EIF3J: variants seen among roughly 807,000 people sequenced by gnomAD.
The protein encoded by EIF3J is eukaryotic translation initiation factor 3 subunit J.
In EIF3J, 15 loss-of-function variants were observed where a neutral mutation model predicts 39.0. The ratio of observed to expected loss-of-function variants is 0.38; its 90% CI spans 0.26 to 0.59. The LOEUF (loss-of-function observed/expected upper bound fraction) is 0.59, where lower values mean the gene tolerates loss of function less well. Among genes scored for constraint, EIF3J ranks in the 20% least tolerant of loss-of-function variants. The probability of loss-of-function intolerance (pLI) is 0.60; values close to 1 mark genes in which losing one functional copy is unlikely to be tolerated. For missense variants in EIF3J, 226 were observed against 308.6 expected, an observed-to-expected ratio of 0.73 and a Z score of 2.00; for synonymous variants, 98 against 112.9, an observed-to-expected ratio of 0.87 and a Z score of 0.84.
At chr15:44,537,929 T>A (rs190160654) in intron 2 of EIF3J, among the ~76,000 whole-genome samples, 8 of 152,262 alleles carry the variant, frequency 5.3e-5, no homozygotes, top group African/African-American at 1.7e-4. Context: ...CAACCTTTTT[T>A]TCCCACACGA....
chr15:44,545,196 C>T (rs914650816), intron 2 of EIF3J, among the ~76,000 whole-genome samples: 12 of 152,072 alleles, frequency 7.9e-5, no homozygotes, highest in African/African-American at 2.9e-4. Flanking sequence ...GGGAAGAAGT[C>T]ATATTTACTA....
intron 7 of EIF3J, 62 bp from the exon 8 acceptor site, chr15:44,560,956 T>C (rs975958783): frequency 9.5e-6 from 15 of 1,585,192 alleles, no homozygotes; most frequent in Admixed American, 3.5e-5. Flanking sequence ...TGAGGGTTGC[T>C]GTACCAGATA....
At chr15:44,552,826 C>G (rs1186433245) in intron 4 of EIF3J, among the ~76,000 whole-genome samples, 1 of 152,194 alleles carries the variant, frequency 6.6e-6, no homozygotes, top group Non-Finnish European at 1.5e-5. Context: ...TCCCAGAGTG[C>G]TAGGATTATA....
chr15:44,544,470 T>A (rs937986173), intron 2 of EIF3J, among the ~76,000 whole-genome samples: 6 of 150,890 alleles, frequency 4.0e-5, no homozygotes, highest in African/African-American at 1.2e-4. Context: ...TTTGGGAGGC[T>A]GAGGTGGGTG....
chr15:44,544,098 C>CTTTTT (rs10630378), intron 2 of EIF3J, among the ~76,000 whole-genome samples: 4 of 134,070 alleles, frequency 3.0e-5, no homozygotes, highest in Admixed American at 7.8e-5. Context: ...CTTTTCTTTT[C>CTTTTT]TTTTTTTTTT....
At chr15:44,557,793 T>A in intron 6 of EIF3J, 143 bp downstream of exon 6, 1 of 527,484 alleles carries the variant, frequency 1.9e-6, no homozygotes, top group Non-Finnish European at 2.9e-6. Flanking sequence ...CTTGTGAATG[T>A]TGTTCTGCAG....
At chr15:44,546,816 CTTTTTTTTTTT>C (rs1160471321) in intron 2 of EIF3J, among the ~76,000 whole-genome samples, 8 of 78,904 alleles carry the variant, frequency 1.0e-4, no homozygotes, top group South Asian at 5.1e-4. Flanking sequence ...GAGTATAGAT[CTTTTTTTTTTT>C]TTTTTTTTTT....
chr15:44,562,572 T>G lies in EIF3J; in HGVS notation c.*1423T>G, dbSNP rs975830151. On this transcript the variant is annotated 3_prime_UTR_variant, in exon 8 of 8. Coordinates refer to ENST00000261868, the MANE Select transcript of EIF3J (RefSeq NM_003758.4). ...TACTAAGTGGAAAACAAGACCATCA[T>G]CTAAGTGATTTGAGAAATTAACAAA... is the stretch of plus-strand genomic sequence containing the variant. 1 of 153,492 alleles carries G rather than the reference T, an allele frequency of 6.5e-6. No homozygotes were observed. Among genetic ancestry groups the G allele is most frequent in the African/African-American group, 2.4e-5 (1 of 41,458 alleles). 9.5% of individuals were successfully genotyped at this position (153,492 alleles called of 1,614,324 possible). A position where few individuals can be genotyped will look rare whatever the true frequency, so the allele number is the denominator to read the frequency against.
intron 2 of EIF3J, among the ~76,000 whole-genome samples, chr15:44,542,073 GT>G (rs1477780108): frequency 6.6e-6 from 1 of 152,220 alleles, no homozygotes; most frequent in Non-Finnish European, 1.5e-5. Context: ...TATGAGACAG[GT>G]AGGCATTGAG....
Position 44,554,579 on chromosome 15 carries a change from G to A in EIF3J, c.321G>A (p.Val107=). The change falls in exon 5 of 8, where the codon GTG becomes GTA. Residue 107 remains valine (V), a synonymous_variant. Transcript: ENST00000261868. The stretch of plus-strand genomic sequence containing the variant: ...TAGAAGAACCCGAAGAACCTAAAGT[G>A]CTAACACCAGAAGAACAATTAGCAG... The part of the protein sequence containing the change: ...KRLEEPEEPK[V]LTPEEQLADK... The A allele has an allele frequency of 1.9e-6, 3 of 1,611,846 alleles. No individual in the cohort carries two copies. The highest frequency in any genetic ancestry group is 2.2e-5 in the South Asian group (2 of 90,386).
chr15:44,544,832 G>T (rs750223615), intron 2 of EIF3J, among the ~76,000 whole-genome samples: 1 of 151,546 alleles, frequency 6.6e-6, no homozygotes, highest in Non-Finnish European at 1.5e-5. Context: ...GGTGAAACCC[G>T]GTCTCTACTA....
At chr15:44,546,010 C>T (rs1295823421) in intron 2 of EIF3J, among the ~76,000 whole-genome samples, 1 of 152,186 alleles carries the variant, frequency 6.6e-6, no homozygotes, top group African/African-American at 2.4e-5. Flanking sequence ...TATGCATCTT[C>T]TGGAAGTAAG....
intron 4 of EIF3J, among the ~76,000 whole-genome samples, chr15:44,553,226 C>G (rs1411666523): frequency 2.0e-5 from 3 of 151,564 alleles, no homozygotes; most frequent in Non-Finnish European, 4.4e-5. Context: ...GGCGTGGTGG[C>G]TCACGCCTGT....
At chr15:44,547,559 C>T (rs527532193) in intron 2 of EIF3J, among the ~76,000 whole-genome samples, 3 of 150,388 alleles carry the variant, frequency 2.0e-5, no homozygotes, top group Non-Finnish European at 4.4e-5. Context: ...AAGTGATTCT[C>T]CTGCCTCAGC....
chr15:44,551,993 T>C (rs950784589), intron 4 of EIF3J, among the ~76,000 whole-genome samples: 1 of 152,002 alleles, frequency 6.6e-6, no homozygotes, highest in Non-Finnish European at 1.5e-5. Flanking sequence ...GAGCTAATTT[T>C]TTGTATTTTA....
Position 44,557,610 on chromosome 15 carries a change from C to T in EIF3J, c.531C>T (p.Ala177=), listed in dbSNP as rs1331653395. The change falls in exon 6 of 8, where the codon GCC becomes GCT. Residue 177 remains alanine, a synonymous_variant. Coordinates refer to ENST00000261868, the MANE Select transcript of EIF3J (RefSeq NM_003758.4). ...ITQYEKSLYY[A]SFLEVLVRDV... is the part of the protein sequence containing the mutation. ...AATATGAAAAGTCACTATATTATGCCAGTTTTTTGGAAGTCTTAGTTCGAG... is the reference window on the plus strand; with the variant it reads ...AATATGAAAAGTCACTATATTATGCTAGTTTTTTGGAAGTCTTAGTTCGAG... The T allele has an allele frequency of 9.2e-6, 14 of 1,526,372 alleles. No homozygotes were observed. Among genetic ancestry groups the T allele is most frequent in the Non-Finnish European group, 1.2e-5 (14 of 1,136,284 alleles). 94.6% of individuals were successfully genotyped at this position (1,526,372 alleles called of 1,614,324 possible).
At chr15:44,542,130 T>A (rs1013848445) in intron 2 of EIF3J, among the ~76,000 whole-genome samples, 2 of 152,194 alleles carry the variant, frequency 1.3e-5, no homozygotes, top group African/African-American at 4.8e-5. Context: ...GTTAAAAGCT[T>A]AATGAATTGA....
intron 2 of EIF3J, among the ~76,000 whole-genome samples, chr15:44,541,842 C>CT (rs2082017031): frequency 6.6e-6 from 1 of 152,224 alleles, no homozygotes; most frequent in African/African-American, 2.4e-5. Flanking sequence ...TGTATCCCCA[C>CT]TTTCCTCCTC....
At chr15:44,552,925 C>G (rs890635276) in intron 4 of EIF3J, among the ~76,000 whole-genome samples, 6 of 152,120 alleles carry the variant, frequency 3.9e-5, no homozygotes, top group Non-Finnish European at 8.8e-5. Flanking sequence ...GTGGCTCATG[C>G]CTGTAATTGC....
Sources: gnomAD v4.1 joint callset for allele counts (sites outside exome capture counted in the v4.1 genomes callset) on GRCh38, gnomAD v4.1.1 for gene constraint, MANE v1.5 for transcripts, NCBI Gene and HGNC (gene_info 2026-07-23, HGNC 2026-07-21) for gene names.